The following PLEKHD1 variants were observed in gnomAD, a reference collection of about 807,000 sequenced individuals.
PLEKHD1 encodes pleckstrin homology and coiled-coil domain containing D1, also known as pleckstrin homology domain-containing family D member 1.
In PLEKHD1, 51 loss-of-function variants were observed where a neutral mutation model predicts 69.2. The observed-to-expected ratio is 0.74, with a 90% CI of 0.59 to 0.93. PLEKHD1 has a LOEUF of 0.93. PLEKHD1 is among the 40% of genes least tolerant of loss of function. The pLI, the probability that PLEKHD1 is intolerant of heterozygous loss-of-function variation, is 0.00. For missense variants in PLEKHD1, 584 were observed against 641.0 expected (o/e 0.91, Z 0.96); for synonymous variants, 236 against 244.7 (o/e 0.96, Z 0.33).
At chr14:69,493,419 AGTGAAATAGTTTC>A (rs1882820019) in intron 1 of PLEKHD1, among the ~76,000 whole-genome samples, 3 of 152,178 alleles carry the variant, frequency 2.0e-5, no homozygotes. Context: ...TTTCCTCTCT[AGTGAAATAGTTTC>A]CTATTTCACT....
Position 69,527,226 on chromosome 14 carries a change from C to G in PLEKHD1, c.1095C>G (p.Leu365=). 6.4e-7 allele frequency: 1 copy of G among 1,551,614 alleles called. No homozygotes were observed. ...TCCGCATGGACCTGGAGAGGCGTCT[C>G]CGGGAGGCAGAAGGGGCCTTGCGAA... is the stretch of plus-strand genomic sequence containing the variant. ...VKVRMDLERR[L]REAEGALRSL... The change falls in exon 11 of 13, where the codon CTC becomes CTG. Residue 365 remains leucine, a synonymous_variant. Coordinates refer to ENST00000322564, the MANE Select transcript of PLEKHD1 (RefSeq NM_001161498.2).
the PLEKHD1 span, among the ~76,000 whole-genome samples, chr14:69,469,156 A>G: frequency 1.1e-3 from 165 of 152,266 alleles, 1 homozygote; most frequent in Non-Finnish European, 2.1e-3. Context: ...TTTCTTGCAT[A>G]AGCAAACACT....
intron 1 of PLEKHD1, among the ~76,000 whole-genome samples, chr14:69,498,663 T>TTCTC (rs1555337218): frequency 0.016 from 990 of 61,876 alleles, 17 homozygotes; most frequent in East Asian, 0.033. Flanking sequence ...CTTCTCTTCT[T>TTCTC]TGAGATGGAG....
intron 1 of PLEKHD1, among the ~76,000 whole-genome samples, chr14:69,497,980 A>C (rs927907603): frequency 1.3e-5 from 2 of 152,074 alleles, no homozygotes; most frequent in African/African-American, 2.4e-5. Flanking sequence ...TGAGGCCAAG[A>C]GTTCGAGGCC....
At chr14:69,500,377 T>C in intron 2 of PLEKHD1, 169 bp downstream of exon 2, 1 of 706,934 alleles carries the variant, frequency 1.4e-6, no homozygotes, top group African/African-American at 1.8e-5. Flanking sequence ...GGCTGGACCC[T>C]CACTCTCCTG....
chr14:69,520,954 T>C (rs1272279821), intron 6 of PLEKHD1, among the ~76,000 whole-genome samples: 3 of 152,102 alleles, frequency 2.0e-5, no homozygotes, highest in South Asian at 4.1e-4. Flanking sequence ...CCATGTGGTG[T>C]GCCCAGGAGG....
chr14:69,511,417 C>A (rs1883269537), intron 6 of PLEKHD1, among the ~76,000 whole-genome samples: 1 of 152,172 alleles, frequency 6.6e-6, no homozygotes. Flanking sequence ...CTCCGCCTCC[C>A]AAAGTGCTGG....
chr14:69,509,130 C>T (rs1883216115), intron 6 of PLEKHD1, among the ~76,000 whole-genome samples: 1 of 152,142 alleles, frequency 6.6e-6, no homozygotes, highest in Non-Finnish European at 1.5e-5. Flanking sequence ...CTCCCAAAAT[C>T]CTGGGATTAC....
At chr14:69,503,993 C>G (rs1414213388) in intron 6 of PLEKHD1, among the ~76,000 whole-genome samples, 3 of 152,092 alleles carry the variant, frequency 2.0e-5, no homozygotes, top group Non-Finnish European at 2.9e-5. Flanking sequence ...GCCAGGCTGC[C>G]TGTATTTGTA....
intron 6 of PLEKHD1, among the ~76,000 whole-genome samples, chr14:69,506,509 G>A (rs1269979215): frequency 6.6e-6 from 1 of 152,180 alleles, no homozygotes; most frequent in African/African-American, 2.4e-5. Flanking sequence ...AAACATACAG[G>A]TGAAGTGAAA....
chr14:69,483,272 G>C (rs1322894803), upstream of PLEKHD1, among the ~76,000 whole-genome samples: 1 of 151,946 alleles, frequency 6.6e-6, no homozygotes, highest in East Asian at 1.9e-4. Flanking sequence ...GTGATGATTA[G>C]CTAGAGTCAT....
intron 1 of PLEKHD1, among the ~76,000 whole-genome samples, chr14:69,488,336 A>G (rs1296392948): frequency 2.0e-5 from 3 of 152,196 alleles, no homozygotes; most frequent in Admixed American, 6.5e-5. Flanking sequence ...ACTGCTTCCC[A>G]GAGGTGACAC....
intron 6 of PLEKHD1, among the ~76,000 whole-genome samples, chr14:69,504,943 G>A (rs1009711225): frequency 6.6e-6 from 1 of 152,222 alleles, no homozygotes; most frequent in African/African-American, 2.4e-5. Flanking sequence ...GGGATGGAGT[G>A]GCAGACACAG....
chr14:69,472,108 A>C, the PLEKHD1 span, among the ~76,000 whole-genome samples: 1 of 152,090 alleles, frequency 6.6e-6, no homozygotes, highest in Non-Finnish European at 1.5e-5. Context: ...CCGTCACAAC[A>C]ATCACCACAC....
At position 69,521,773 on chromosome 14, in the gene PLEKHD1, C is replaced by T. The variant is rs979841200; in HGVS notation, c.556-510C>T. Among the ~76,000 whole-genome samples, 3 of 152,284 alleles carry T rather than the reference C, an allele frequency of 2.0e-5. No homozygotes were observed. The East Asian group carries it at 5.8e-4, about 29-fold the overall frequency. On this transcript the variant is annotated intron_variant, in intron 6 of 12. Coordinates refer to ENST00000322564, the MANE Select transcript of PLEKHD1 (RefSeq NM_001161498.2). ...CCGGAGCAGAGGGAAGCTGAAGCCA[C>T]CTGGAGTCATTGCTTCCCAGATACC...
intron 5 of PLEKHD1, 58 bp downstream of exon 5, chr14:69,501,883 C>A: frequency 3.5e-6 from 5 of 1,418,568 alleles, no homozygotes; most frequent in Non-Finnish European, 4.8e-6. Flanking sequence ...GGGGCTATAG[C>A]CAGGGGCTTG....
At chr14:69,502,151 A>G in intron 5 of PLEKHD1, 1 of 219,530 alleles carries the variant, frequency 4.6e-6, no homozygotes, top group Non-Finnish European at 9.1e-6. Context: ...AGTTAAAAAT[A>G]GTCTCTAGCT....
chr14:69,468,544 CCTTTCTTT>C, the PLEKHD1 span, among the ~76,000 whole-genome samples: 447 of 150,168 alleles, frequency 3.0e-3, 3 homozygotes, highest in African/African-American at 0.011. Flanking sequence ...TTCCTTCCTT[CCTTTCTTT>C]CTTTCTTTCT....
chr14:69,490,574 G>T (rs1294044222), intron 1 of PLEKHD1, among the ~76,000 whole-genome samples: 2 of 152,140 alleles, frequency 1.3e-5, no homozygotes, highest in Non-Finnish European at 2.9e-5. Context: ...TTGTTCCAGG[G>T]GGACTAAGTT....
Sources: allele counts gnomAD v4.1 joint callset (sites outside exome capture counted in the v4.1 genomes callset), GRCh38; gene constraint gnomAD v4.1.1; transcripts MANE v1.5; gene names NCBI Gene and HGNC (gene_info 2026-07-23, HGNC 2026-07-21).